The following SLC35F5 variants were observed in gnomAD, a reference collection of about 807,000 sequenced individuals.
SLC35F5 encodes the protein HCV NS5A-transactivated protein 3.
Under a neutral mutation model 68.6 loss-of-function variants are expected in SLC35F5, and 54 were observed. The ratio of observed to expected loss-of-function variants is 0.79; its 90% CI spans 0.63 to 0.99. SLC35F5 has a LOEUF of 0.99. Ranked by LOEUF, SLC35F5 falls within the 50% of genes least tolerant of loss-of-function variation. The pLI, the probability that SLC35F5 is intolerant of heterozygous loss-of-function variation, is 0.00. For synonymous variants in SLC35F5, 211 were observed against 205.2 expected, an observed-to-expected ratio of 1.03 and a Z score of -0.24; for missense variants, 567 against 626.9, an observed-to-expected ratio of 0.90 and a Z score of 1.02.
chr2:113,727,984 C>A (rs575701587), intron 11 of SLC35F5, among the ~76,000 whole-genome samples: 1 of 152,170 alleles, frequency 6.6e-6, no homozygotes, highest in Admixed American at 6.5e-5. Context: ...AATAAAATAT[C>A]ATTAAAATTA....
intron 7 of SLC35F5, among the ~76,000 whole-genome samples, chr2:113,741,337 ACT>A (rs1676265347): frequency 6.6e-6 from 1 of 151,940 alleles, no homozygotes; most frequent in South Asian, 2.1e-4. Flanking sequence ...AGATGAAAAA[ACT>A]CTGTGGATGG....
chr2:113,707,129 G>C lies in SLC35F5; in HGVS notation c.*8089C>G, dbSNP rs553063657. Reference sequence around the variant, plus strand: ...TTTAACAAAATTGAGGTAAAAATCTGCATTAAATTACACCAAGAAAAACAT... The same window carrying C: ...TTTAACAAAATTGAGGTAAAAATCTCCATTAAATTACACCAAGAAAAACAT... On this transcript the variant is annotated 3_prime_UTR_variant, in exon 16 of 16. Coordinates refer to ENST00000245680, the MANE Select transcript of SLC35F5 (RefSeq NM_025181.5). Among the ~76,000 whole-genome samples the C allele has an allele frequency of 6.6e-6, 1 of 152,186 alleles. No individual in the cohort carries two copies. Among genetic ancestry groups the C allele is most frequent in the South Asian group, 2.1e-4 (1 of 4,818 alleles).
rs1686977520 is a variant in SLC35F5 at position 113,711,441 on chromosome 2, C to A, written c.*3777G>T. Among the ~76,000 whole-genome samples, 1 of 151,916 alleles carries A rather than the reference C, an allele frequency of 6.6e-6. No homozygotes were observed. Among genetic ancestry groups the A allele is most frequent in the Non-Finnish European group, 1.5e-5 (1 of 67,984 alleles). ...GCTCTTAAGATTTAAAGAAAAATTT[C>A]CTGTGCACATACAATGTACCTATGA... is the stretch of plus-strand genomic sequence containing the variant. On this transcript the variant is annotated 3_prime_UTR_variant, in exon 16 of 16. Coordinates refer to ENST00000245680, the MANE Select transcript of SLC35F5 (RefSeq NM_025181.5).
intron 2 of SLC35F5, 61 bp downstream of exon 2, chr2:113,755,393 T>A: frequency 6.2e-7 from 1 of 1,604,648 alleles, no homozygotes. Context: ...ACAGAAACAT[T>A]TGACTTTTGT....
At chr2:113,719,077 A>G in intron 14 of SLC35F5, 77 bp downstream of exon 14, 1 of 1,348,394 alleles carries the variant, frequency 7.4e-7, no homozygotes, top group Non-Finnish European at 1.0e-6. Context: ...AATCTCTAAA[A>G]GCTAGGCCAG....
At chr2:113,715,763 CA>C (rs143630822) in intron 15 of SLC35F5, among the ~76,000 whole-genome samples, 54 of 141,276 alleles carry the variant, frequency 3.8e-4, no homozygotes, top group Middle Eastern at 3.7e-3. Flanking sequence ...AATGTTGATG[CA>C]AAAAAAAAAA....
In SLC35F5 at chr2:113,755,553, A is replaced by T. The variant is rs746497438; in HGVS notation, c.41-9T>A. 2 of 1,611,406 alleles carry T rather than the reference A, an allele frequency of 1.2e-6. No homozygotes were observed. The highest frequency in any genetic ancestry group is 3.3e-5 in the Admixed American group (2 of 59,812). On this transcript the variant is annotated splice_polypyrimidine_tract_variant and intron_variant, in intron 1 of 15. Transcript: ENST00000245680. ...TGAAGAACTCAGCACCCCTAAAAAC[A>T]ACCATGAAATTATGCTATGAAAACG...
rs761428376 is a variant in SLC35F5 at position 113,725,443 on chromosome 2, T to C, written c.1185A>G (p.Val395=). 4.3e-6 allele frequency: 7 copies of C among 1,611,256 alleles called. No individual in the cohort carries two copies. In the South Asian group the frequency reaches 6.6e-5, roughly 15 times the overall value. The change falls in exon 12 of 16, where the codon GTA becomes GTG. Residue 395 remains valine, a synonymous_variant. Coordinates refer to ENST00000245680, the MANE Select transcript of SLC35F5 (RefSeq NM_025181.5). The part of the protein sequence containing the change: ...GFEDFEFPNK[V]VLMCIIINGL... ...CATTAATGATAATGCACATTAATAC[T>C]ACTTTATTGGGAAACTCGAAGTCCT...
rs1304914516 is a variant in SLC35F5 at position 113,714,305 on chromosome 2, A to G, written c.*913T>C. On this transcript the variant is annotated 3_prime_UTR_variant, in exon 16 of 16. Transcript: ENST00000245680. The stretch of plus-strand genomic sequence containing the variant: ...AGTTCTAGAGTAATCTGGCACATTC[A>G]TATGTGAAAAAAATTAGAAATCACT... 2 of 152,120 alleles carry G rather than the reference A, an allele frequency of 1.3e-5. No individual in the cohort carries two copies. The highest frequency in any genetic ancestry group is 4.1e-4 in the South Asian group (2 of 4,830). The allele number at this position is 152,120 out of a possible 1,614,324, so 9.4% of individuals were successfully genotyped here.
chr2:113,750,184 G>T (rs890479146), intron 4 of SLC35F5, among the ~76,000 whole-genome samples: 3 of 152,036 alleles, frequency 2.0e-5, no homozygotes, highest in African/African-American at 7.2e-5. Flanking sequence ...GCTAATTCAA[G>T]AATTTTTAAC....
In SLC35F5 at chr2:113,742,744, C is replaced by G; in HGVS notation, c.698G>C (p.Gly233Ala). ...CGCTACTTGAGTTGCAGTAAGTTTC[C>G]CCACAGTTTTCAGTATGGATTCTTG... ...KEQESILKTV[G>A]KLTATQVAKI... Residue 233 changes from glycine to alanine, a missense_variant, in exon 7 of 16, where the codon GGG (glycine) becomes GCG (alanine). Coordinates refer to ENST00000245680, the MANE Select transcript of SLC35F5 (RefSeq NM_025181.5). The G allele has an allele frequency of 6.2e-7, 1 of 1,613,950 alleles. No homozygotes were observed.
chr2:113,718,990 C>T (rs1378439400), intron 14 of SLC35F5, among the ~76,000 whole-genome samples, 164 bp downstream of exon 14: 3 of 151,298 alleles, frequency 2.0e-5, no homozygotes, highest in South Asian at 2.1e-4. Context: ...ATCTTATTAC[C>T]CAAAAGATCT....
Position 113,711,584 on chromosome 2 carries a change from T to G in SLC35F5, c.*3634A>C, listed in dbSNP as rs1041438758. Among the ~76,000 whole-genome samples, 1 of 152,176 alleles carries G rather than the reference T, an allele frequency of 6.6e-6. No homozygotes were observed. The highest frequency in any genetic ancestry group is 1.5e-5 in the Non-Finnish European group (1 of 68,022). ...AACCTCAATTTATCTAAATGGGATT[T>G]GGGGGACACGGCAGACTATTAAAAT... is the stretch of plus-strand genomic sequence containing the variant. On this transcript the variant is annotated 3_prime_UTR_variant, in exon 16 of 16. Transcript: ENST00000245680.
downstream of SLC35F5, among the ~76,000 whole-genome samples, chr2:113,704,307 A>G (rs1686756521): frequency 6.6e-6 from 1 of 152,186 alleles, no homozygotes; most frequent in African/African-American, 2.4e-5. Flanking sequence ...TCCCTGAGCT[A>G]GACACAAAGG....
intron 7 of SLC35F5, among the ~76,000 whole-genome samples, chr2:113,736,981 A>G (rs1688120437): frequency 6.6e-6 from 1 of 152,162 alleles, no homozygotes; most frequent in Non-Finnish European, 1.5e-5. Flanking sequence ...GAATATCTTA[A>G]TTCTAGTACA....
At chr2:113,704,417 C>T (rs1046985980), downstream of SLC35F5, among the ~76,000 whole-genome samples, 2 of 152,224 alleles carry the variant, frequency 1.3e-5, no homozygotes, top group Non-Finnish European at 2.9e-5. Flanking sequence ...CCGCGCCCTG[C>T]GCCCGCACTC....
chr2:113,704,922 G>A (rs1235933084), downstream of SLC35F5: 2 of 152,762 alleles, frequency 1.3e-5, no homozygotes, highest in African/African-American at 2.4e-5. Flanking sequence ...AGGAGGCGGG[G>A]AGAGTGAGCG....
chr2:113,708,921 A>G lies in SLC35F5; in HGVS notation c.*6297T>C, dbSNP rs988129164. On this transcript the variant is annotated 3_prime_UTR_variant, in exon 16 of 16. Coordinates refer to ENST00000245680, the MANE Select transcript of SLC35F5 (RefSeq NM_025181.5). ...GACTAATAAGGCCAGCAACTCAGGG[A>G]AATTAGCCTATTCATCTGATATATT... Among the ~76,000 whole-genome samples the G allele has an allele frequency of 4.6e-5, 7 of 152,236 alleles. No individual in the cohort carries two copies. The highest frequency in any genetic ancestry group is 1.7e-4 in the African/African-American group (7 of 41,466).
intron 10 of SLC35F5, 74 bp from the exon 11 acceptor site, chr2:113,729,579 T>C: frequency 1.3e-6 from 1 of 764,120 alleles, no homozygotes; most frequent in Non-Finnish European, 2.2e-6. Context: ...CAATAATGTG[T>C]CAGATAATAT....
Sources: gnomAD v4.1 joint callset for allele counts (sites outside exome capture counted in the v4.1 genomes callset) on GRCh38, gnomAD v4.1.1 for gene constraint, MANE v1.5 for transcripts, NCBI Gene and HGNC (gene_info 2026-07-23, HGNC 2026-07-21) for gene names.